Variants in MYO1D observed in about 807,000 individuals in gnomAD.
MYO1D encodes the protein myosin ID.
MYO1D carries 83 observed loss-of-function variants against 122.0 expected under a neutral mutation model. That is an observed-to-expected ratio of 0.68 (90% CI 0.57 to 0.82). The LOEUF is 0.82. Ranked by LOEUF, MYO1D falls within the 40% of genes least tolerant of loss-of-function variation. MYO1D has a pLI of 0.00. For missense variants in MYO1D, 1,157 were observed against 1,269.5 expected, an observed-to-expected ratio of 0.91 and a Z score of 1.35; for synonymous variants, 464 against 446.9, an observed-to-expected ratio of 1.04 and a Z score of -0.48.
intron 19 of MYO1D, among the ~76,000 whole-genome samples, chr17:32,647,308 C>T (rs535081149): frequency 4.6e-5 from 7 of 152,306 alleles, no homozygotes; most frequent in East Asian, 3.9e-4. Flanking sequence ...ATCAAGTTTA[C>T]GCTGGCGTAG....
At chr17:32,788,198 T>G (rs970031730) in intron 1 of MYO1D, among the ~76,000 whole-genome samples, 1 of 152,192 alleles carries the variant, frequency 6.6e-6, no homozygotes, top group African/African-American at 2.4e-5. Flanking sequence ...AGTGTAAAAG[T>G]GTTCCCTTTT....
Position 32,493,698 on chromosome 17 carries a change from C to T in MYO1D, c.*1061G>A, listed in dbSNP as rs1908973671. 6.6e-6 allele frequency: 1 copy of T among 152,326 alleles called. No homozygotes were observed. The highest frequency in any genetic ancestry group is 2.4e-5 in the African/African-American group (1 of 41,456). The allele number at this position is 152,326 out of a possible 1,614,324, so 9.4% of individuals were successfully genotyped here. ...GCAAGCTGGCAGTGCTCCCTGGCAC[C>T]AGTTTCACGGGCGCAGGCCCCAAGG... On this transcript the variant is annotated 3_prime_UTR_variant, in exon 22 of 22. Coordinates refer to ENST00000318217, the MANE Select transcript of MYO1D (RefSeq NM_015194.3).
chr17:32,560,053 A>G (rs1264155295), intron 21 of MYO1D, among the ~76,000 whole-genome samples: 4 of 152,110 alleles, frequency 2.6e-5, no homozygotes, highest in Non-Finnish European at 4.4e-5. Context: ...TCAGGAGTTC[A>G]AGACCAGCCT....
At chr17:32,817,993 G>T (rs2090626873) in intron 1 of MYO1D, among the ~76,000 whole-genome samples, 1 of 149,156 alleles carries the variant, frequency 6.7e-6, no homozygotes, top group African/African-American at 2.5e-5. Context: ...GGGCGTAGTG[G>T]CGGGCGCCTG....
intron 21 of MYO1D, among the ~76,000 whole-genome samples, chr17:32,584,137 G>A (rs755527299): frequency 4.3e-4 from 66 of 152,006 alleles, no homozygotes; most frequent in Admixed American, 1.4e-3. Context: ...CTTCATTCTC[G>A]TATCCAGAAC....
At position 32,877,019 on chromosome 17, in the gene MYO1D, G is replaced by T; in HGVS notation, c.-147C>A. ...CACGCCGCTCGGCGGGTCCGGGCCG[G>T]ACAGAGGCCGCCTCGCTGCTCCTCG... On this transcript the variant is annotated 5_prime_UTR_variant, in exon 1 of 22. Transcript: ENST00000318217. 2 of 298,510 alleles carry T rather than the reference G, an allele frequency of 6.7e-6. No homozygotes were observed. Among genetic ancestry groups the T allele is most frequent in the South Asian group, 3.0e-4 (2 of 6,758 alleles). 18.5% of individuals were successfully genotyped at this position (298,510 alleles called of 1,614,324 possible). A position where few individuals can be genotyped will look rare whatever the true frequency, so the allele number is the denominator to read the frequency against.
intron 1 of MYO1D, among the ~76,000 whole-genome samples, chr17:32,843,239 A>C (rs2090901021): frequency 6.6e-6 from 1 of 152,178 alleles, no homozygotes; most frequent in African/African-American, 2.4e-5. Flanking sequence ...TTCAAGTTTT[A>C]AGCCAAAATA....
intron 3 of MYO1D, 25 bp downstream of exon 3, chr17:32,778,455 C>T (rs2090202351): frequency 6.3e-7 from 1 of 1,593,596 alleles, no homozygotes; most frequent in Admixed American, 1.7e-5. Flanking sequence ...CTAAGAATTC[C>T]TCCCCATTAT....
chr17:32,815,778 G>A (rs2090608101), intron 1 of MYO1D, among the ~76,000 whole-genome samples: 2 of 152,196 alleles, frequency 1.3e-5, no homozygotes, highest in Admixed American at 1.3e-4. Context: ...TGTTGAGAAG[G>A]ACAAGGTAAG....
At position 32,605,392 on chromosome 17, in the gene MYO1D, T is replaced by C. The variant is rs1007776759; in HGVS notation, c.2710-151A>G. 37 of 597,832 alleles carry C rather than the reference T, an allele frequency of 6.2e-5. No individual in the cohort carries two copies. The African/African-American group carries it at 6.7e-4, about 11-fold the overall frequency. 37.0% of individuals were successfully genotyped at this position (597,832 alleles called of 1,614,324 possible). A position where few individuals can be genotyped will look rare whatever the true frequency, so the allele number is the denominator to read the frequency against. The stretch of plus-strand genomic sequence containing the variant: ...GGATGATCATTTGAGCCCTGGAGTT[T>C]GAATCCAGCCTGGACAACATAACGA... On this transcript the variant is annotated intron_variant, in intron 20 of 21. Transcript: ENST00000318217.
intron 20 of MYO1D, among the ~76,000 whole-genome samples, chr17:32,622,331 C>T (rs1466905066): frequency 6.6e-6 from 1 of 152,030 alleles, no homozygotes; most frequent in Non-Finnish European, 1.5e-5. Context: ...TTGACCTCTC[C>T]AGCTCAACCA....
intron 21 of MYO1D, among the ~76,000 whole-genome samples, chr17:32,535,196 C>T (rs1910625700): frequency 6.6e-6 from 1 of 152,124 alleles, no homozygotes; most frequent in Admixed American, 6.5e-5. Context: ...AATCTGTAAA[C>T]CGTTAGAAGT....
chr17:32,653,817 G>A, intron 19 of MYO1D, 26 bp downstream of exon 19: 1 of 1,578,216 alleles, frequency 6.3e-7, no homozygotes, highest in Non-Finnish European at 8.7e-7. Flanking sequence ...TCCTTTCCAA[G>A]ATGATCTGGT....
In MYO1D at chr17:32,818,837, C is replaced by A. The variant is rs536333418; in HGVS notation, c.96-38053G>T. ...TCCAGTTTTCTTTGGATGTAATGGG[C>A]CTGGAAAATTCCTTAAAATCCTTTT... On this transcript the variant is annotated intron_variant, in intron 1 of 21. Coordinates refer to ENST00000318217, the MANE Select transcript of MYO1D (RefSeq NM_015194.3). Among the ~76,000 whole-genome samples, 3 of 152,242 alleles carry A rather than the reference C, an allele frequency of 2.0e-5. No homozygotes were observed. In the South Asian group the frequency reaches 6.2e-4, roughly 32 times the overall value.
At chr17:32,585,716 C>G (rs186336133) in intron 21 of MYO1D, among the ~76,000 whole-genome samples, 3 of 130,600 alleles carry the variant, frequency 2.3e-5, no homozygotes, top group Non-Finnish European at 4.7e-5. Flanking sequence ...CCAGTCTGGG[C>G]AACAGAGCAA....
At chr17:32,757,000 GTTTAATC>G (rs1219978661) in intron 10 of MYO1D, among the ~76,000 whole-genome samples, 1 of 152,138 alleles carries the variant, frequency 6.6e-6, no homozygotes, top group East Asian at 1.9e-4. Flanking sequence ...TGATCACACA[GTTTAATC>G]TTGCTATGTC....
intron 16 of MYO1D, among the ~76,000 whole-genome samples, chr17:32,690,298 C>G (rs371767066): frequency 1.3e-5 from 2 of 151,662 alleles, no homozygotes; most frequent in Non-Finnish European, 2.9e-5. Context: ...GCCTCTGCCT[C>G]CCAAGTAGCT....
intron 16 of MYO1D, among the ~76,000 whole-genome samples, chr17:32,681,379 G>C (rs2088914634): frequency 7.2e-6 from 1 of 139,046 alleles, no homozygotes; most frequent in South Asian, 2.6e-4. Context: ...GCTTTCTCTT[G>C]TGGGCATTTA....
At chr17:32,875,173 G>T (rs868515519) in intron 1 of MYO1D, among the ~76,000 whole-genome samples, 23 of 152,324 alleles carry the variant, frequency 1.5e-4, no homozygotes, top group Middle Eastern at 3.4e-3. Context: ...CTGAAAAACT[G>T]AAATGATTAT....
Sources: allele counts gnomAD v4.1 joint callset (sites outside exome capture counted in the v4.1 genomes callset), GRCh38; gene constraint gnomAD v4.1.1; transcripts MANE v1.5; gene names NCBI Gene and HGNC (gene_info 2026-07-23, HGNC 2026-07-21).